Variants in DTNA observed in about 807,000 individuals in gnomAD.
The protein encoded by DTNA is dystrophin-related protein 3.
Under a neutral mutation model 100.7 loss-of-function variants are expected in DTNA, and 43 were observed. The observed-to-expected ratio is 0.43, with a 90% CI of 0.33 to 0.55. DTNA has a LOEUF of 0.55. Ranked by LOEUF, DTNA falls within the 20% of genes least tolerant of loss-of-function variation. DTNA has a pLI of 0.04. For missense variants in DTNA, 798 were observed against 953.9 expected, an observed-to-expected ratio of 0.84 and a Z score of 2.15; for synonymous variants, 349 against 347.9, an observed-to-expected ratio of 1.00 and a Z score of -0.04.
At chr18:34,514,785 C>A (rs1163114678) in intron 1 of DTNA, among the ~76,000 whole-genome samples, 1 of 151,932 alleles carries the variant, frequency 6.6e-6, no homozygotes, top group Non-Finnish European at 1.5e-5. Context: ...GGACTTTTTT[C>A]ATAAGGGAAT....
At chr18:34,525,209 C>T (rs2042500988) in intron 1 of DTNA, among the ~76,000 whole-genome samples, 1 of 152,044 alleles carries the variant, frequency 6.6e-6, no homozygotes, top group Non-Finnish European at 1.5e-5. Context: ...TGAATAAGTA[C>T]TCCACTCTCT....
At chr18:34,535,610 G>A (rs1021144565) in intron 1 of DTNA, among the ~76,000 whole-genome samples, 2 of 152,030 alleles carry the variant, frequency 1.3e-5, no homozygotes, top group African/African-American at 2.4e-5. Flanking sequence ...TTCTTCTAGG[G>A]TTTGTATGGT....
In DTNA at chr18:34,816,030, G is replaced by A; in HGVS notation, c.709+16G>A. ...GTGGAAAATGGTGAGTAGTTACTAA[G>A]GAGCAAAGGTGATTTTTTAAATTAT... On this transcript the variant is annotated intron_variant, in intron 7 of 22. Coordinates refer to ENST00000444659, the MANE Select transcript of DTNA (RefSeq NM_001386795.1). The A allele has an allele frequency of 6.2e-7, 1 of 1,607,216 alleles. No individual in the cohort carries two copies. Among genetic ancestry groups the A allele is most frequent in the Non-Finnish European group, 8.5e-7 (1 of 1,173,848 alleles).
In DTNA at chr18:34,718,621, G is replaced by T. The variant is rs560153598; in HGVS notation, c.-2+8176G>T. Among the ~76,000 whole-genome samples the T allele has an allele frequency of 1.1e-4, 17 of 152,262 alleles. No individual in the cohort carries two copies. The South Asian group carries it at 2.9e-3, about 26-fold the overall frequency. On this transcript the variant is annotated intron_variant, in intron 1 of 22. Transcript: ENST00000444659. Reference sequence around the variant, plus strand: ...GGTTTTATTTCTTCCAAAGCCTTATGATCACTGCAGTCAAAAAAAGAAGGG... The same window carrying T: ...GGTTTTATTTCTTCCAAAGCCTTATTATCACTGCAGTCAAAAAAAGAAGGG...
At chr18:34,838,448 A>G (rs992205719) in intron 12 of DTNA, among the ~76,000 whole-genome samples, 7 of 152,226 alleles carry the variant, frequency 4.6e-5, no homozygotes, top group Admixed American at 6.5e-5. Flanking sequence ...ACCAATTTCA[A>G]TGTATTTACT....
rs758486794 is a variant in DTNA, at chr18:34,815,939, A to G, written c.634A>G (p.Thr212Ala). 2 of 1,613,858 alleles carry G rather than the reference A, an allele frequency of 1.2e-6. No individual in the cohort carries two copies. The highest frequency in any genetic ancestry group is 1.7e-6 in the Non-Finnish European group (2 of 1,179,790). Residue 212 changes from threonine to alanine, a missense_variant, in exon 7 of 23, where the codon ACG (threonine) becomes GCG (alanine). Thr to Ala is a moderately conservative substitution (Grantham distance 58). Coordinates refer to ENST00000444659, the MANE Select transcript of DTNA (RefSeq NM_001386795.1). ...KKVTLNGFLD[T>A]LMSDPPPQCL... ...AGTCACGTTAAATGGTTTCTTGGACACGCTTATGTCAGATCCTCCCCCGCA... is the reference window on the plus strand; with the variant it reads ...AGTCACGTTAAATGGTTTCTTGGACGCGCTTATGTCAGATCCTCCCCCGCA...
intron 1 of DTNA, among the ~76,000 whole-genome samples, chr18:34,555,704 T>C (rs369405495): frequency 2.6e-5 from 4 of 152,140 alleles, no homozygotes; most frequent in African/African-American, 4.8e-5. Flanking sequence ...GATTCTTAAT[T>C]CTGAGTTCTA....
chr18:34,831,835 A>G (rs1331107087), intron 11 of DTNA, among the ~76,000 whole-genome samples: 8 of 152,190 alleles, frequency 5.3e-5, no homozygotes, highest in Non-Finnish European at 1.2e-4. Context: ...CCCACCCCAG[A>G]TACTTCCCAA....
chr18:34,587,471 A>G (rs2049260488), intron 1 of DTNA, among the ~76,000 whole-genome samples: 1 of 151,964 alleles, frequency 6.6e-6, no homozygotes, highest in Non-Finnish European at 1.5e-5. Context: ...AATATAAAAT[A>G]ATTAAAATCT....
intron 1 of DTNA, among the ~76,000 whole-genome samples, chr18:34,641,392 A>G: frequency 6.6e-6 from 1 of 152,196 alleles, no homozygotes; most frequent in East Asian, 1.9e-4. Flanking sequence ...CAGCAGCCCC[A>G]GATGTTTCAC....
rs982502614 is a variant in DTNA at position 34,866,463 on chromosome 18, T to C, written c.1743+2401T>C. ...CTTTTCAAGTTGTTGATCAGACCCT[T>C]CTCTTAACAGAGAGATACCACAGTC... On this transcript the variant is annotated intron_variant, in intron 17 of 22. Coordinates refer to ENST00000444659, the MANE Select transcript of DTNA (RefSeq NM_001386795.1). The C allele has an allele frequency of 7.3e-6, 9 of 1,236,250 alleles. No individual in the cohort carries two copies. The East Asian group carries it at 1.4e-4, about 19-fold the overall frequency. 76.6% of individuals were successfully genotyped at this position (1,236,250 alleles called of 1,614,324 possible).
At chr18:34,497,933 A>C (rs2039436938) in intron 1 of DTNA, among the ~76,000 whole-genome samples, 1 of 152,212 alleles carries the variant, frequency 6.6e-6, no homozygotes, top group Admixed American at 6.5e-5. Flanking sequence ...TAGCATTTCA[A>C]ATGATCAGGA....
chr18:34,750,141 C>T (rs892087191), intron 1 of DTNA, among the ~76,000 whole-genome samples: 1 of 152,202 alleles, frequency 6.6e-6, no homozygotes, highest in African/African-American at 2.4e-5. Flanking sequence ...AACCCAAAGT[C>T]TGCTTAAGTG....
intron 1 of DTNA, among the ~76,000 whole-genome samples, chr18:34,582,714 C>CT (rs2146700347): frequency 6.6e-6 from 1 of 152,264 alleles, no homozygotes; most frequent in South Asian, 2.1e-4. Context: ...ATATATCTCT[C>CT]TAAGTGTAAA....
At chr18:34,526,595 A>T (rs536143959) in intron 1 of DTNA, among the ~76,000 whole-genome samples, 1 of 152,214 alleles carries the variant, frequency 6.6e-6, no homozygotes, top group East Asian at 1.9e-4. Context: ...CCGTGTCCCT[A>T]TACTTACATA....
intron 4 of DTNA, among the ~76,000 whole-genome samples, chr18:34,804,268 G>A (rs1044047068): frequency 4.6e-5 from 7 of 152,166 alleles, no homozygotes; most frequent in Non-Finnish European, 8.8e-5. Flanking sequence ...AGAAATGGTA[G>A]CAGAGGAGAC....
At chr18:34,557,813 T>A (rs1264256637) in intron 1 of DTNA, among the ~76,000 whole-genome samples, 1 of 152,186 alleles carries the variant, frequency 6.6e-6, no homozygotes, top group Non-Finnish European at 1.5e-5. Context: ...AGGTTACTGC[T>A]GCCTTTTTGT....
intron 5 of DTNA, 48 bp downstream of exon 5, chr18:34,806,352 C>T (rs1205021060): frequency 2.7e-6 from 4 of 1,508,098 alleles, no homozygotes; most frequent in African/African-American, 1.4e-5. Context: ...TTGCTAGGTA[C>T]CACCCTTTTC....
intron 1 of DTNA, among the ~76,000 whole-genome samples, chr18:34,634,189 T>C (rs2148185684): frequency 6.6e-6 from 1 of 152,304 alleles, no homozygotes; most frequent in Admixed American, 6.5e-5. Context: ...TCGAAAGCAT[T>C]TACTCCTTTG....
Sources: allele counts gnomAD v4.1 joint callset (sites outside exome capture counted in the v4.1 genomes callset), GRCh38; gene constraint gnomAD v4.1.1; transcripts MANE v1.5; gene names NCBI Gene and HGNC (gene_info 2026-07-23, HGNC 2026-07-21).